DLL3: variants seen among roughly 807,000 people sequenced by gnomAD.
The protein encoded by DLL3 is delta like canonical Notch ligand 3.
Under a neutral mutation model 55.0 loss-of-function variants are expected in DLL3, and 49 were observed. The observed-to-expected ratio is 0.89, with a 90% CI of 0.71 to 1.13. The LOEUF is 1.13. DLL3 is among the 50% of genes most tolerant of loss of function. DLL3 has a pLI of 0.00. For synonymous variants in DLL3, 421 were observed against 385.2 expected (o/e 1.09, Z -1.09); for missense variants, 962 against 875.5 (o/e 1.10, Z -1.25).
At chr19:39,504,504 C>T (rs577455399) in intron 5 of DLL3, among the ~76,000 whole-genome samples, 4 of 152,178 alleles carry the variant, frequency 2.6e-5, no homozygotes, top group East Asian at 1.9e-4. Context: ...TGGGTGGCCC[C>T]GAAAGATGCA....
At chr19:39,504,736 A>C (rs1318242405) in intron 5 of DLL3, among the ~76,000 whole-genome samples, 1 of 152,084 alleles carries the variant, frequency 6.6e-6, no homozygotes, top group East Asian at 1.9e-4. Flanking sequence ...AGTGGCCTGC[A>C]GGGAGCAAGG....
At position 39,507,680 on chromosome 19, in the gene DLL3, G is replaced by A. The variant is rs1359898084; in HGVS notation, c.1673+62G>A. ...CTGGCTGCTTTTACCCATCTCCGTG[G>A]TGCAGTTGGCCCGATTCCTTGATGC... On this transcript the variant is annotated intron_variant, in intron 7 of 8. Transcript: ENST00000356433. 11 of 1,587,688 alleles carry A rather than the reference G, an allele frequency of 6.9e-6. No homozygotes were observed. In the South Asian group the frequency reaches 1.2e-4, roughly 18 times the overall value.
chr19:39,500,547 C>A, intron 2 of DLL3, 68 bp from the exon 3 acceptor site: 3 of 1,423,108 alleles, frequency 2.1e-6, no homozygotes, highest in Admixed American at 1.7e-5. Context: ...TGAACTCTGG[C>A]CTTCATTGAG....
Position 39,507,516 on chromosome 19 carries a change from C to G in DLL3, c.1571C>G (p.Ala524Gly). The change falls in exon 7 of 9, where the codon GCT becomes GGT. Residue 524 changes from alanine (A) to glycine (G), a missense_variant. Ala to Gly is a moderately conservative substitution (Grantham distance 60). Transcript: ENST00000356433. ...CGCCGCCGTGGCCACTCCCAGGATG[C>G]TGGGTCTCGCTTGCTGGCTGGGACC... ...HVRRRGHSQD[A>G]GSRLLAGTPE... 1 of 1,601,856 alleles carries G rather than the reference C, an allele frequency of 6.2e-7. No individual in the cohort carries two copies. Among genetic ancestry groups the G allele is most frequent in the Non-Finnish European group, 8.5e-7 (1 of 1,175,288 alleles).
In DLL3 at chr19:39,507,250, G is replaced by A. The variant is rs1479214240; in HGVS notation, c.1305G>A (p.Ala435=). ...DCRERADPCA[A]RPCAHGGRCY... ...GCGAGCGCGCGGACCCGTGCGCCGC[G>A]CGCCCCTGTGCTCACGGCGGCCGCT... Residue 435 remains alanine, a synonymous_variant, in exon 7 of 9, where the codon GCG becomes GCA. Coordinates refer to ENST00000356433, the MANE Select transcript of DLL3 (RefSeq NM_203486.3). 3.3e-6 allele frequency: 5 copies of A among 1,507,320 alleles called. 1 individual carries two copies. The Admixed American group carries it at 1.0e-4, about 31-fold the overall frequency. The allele number at this position is 1,507,320 out of a possible 1,614,324, so 93.4% of individuals were successfully genotyped here.
intron 3 of DLL3, among the ~76,000 whole-genome samples, chr19:39,501,796 A>G (rs768511358): frequency 5.9e-5 from 9 of 152,278 alleles, no homozygotes; most frequent in South Asian, 2.1e-4. Flanking sequence ...TAGGGGTGTT[A>G]TGACCTCACT....
chr19:39,503,022 C>T lies in DLL3; in HGVS notation c.617C>T (p.Pro206Leu), dbSNP rs1052592318. The T allele has an allele frequency of 1.3e-5, 20 of 1,515,766 alleles. 1 individual carries two copies. Among genetic ancestry groups the T allele is most frequent in the Middle Eastern group, 2.3e-4 (1 of 4,342 alleles). The allele number at this position is 1,515,766 out of a possible 1,614,324, so 93.9% of individuals were successfully genotyped here. The change falls in exon 4 of 9, where the codon CCC becomes CTC. Residue 206 changes from proline (P) to leucine (L), a missense_variant. Physicochemically the swap from Pro to Leu is moderately conservative, Grantham distance 98. Transcript: ENST00000356433. ...APSRCGPGLR[P>L]CAPLEDECEA... is the part of the protein sequence containing the mutation. Reference sequence around the variant, plus strand: ...TCGCGGTGCGGTCCGGGACTGCGCCCCTGCGCACCGCTCGAGGACGAATGT... The same window carrying T: ...TCGCGGTGCGGTCCGGGACTGCGCCTCTGCGCACCGCTCGAGGACGAATGT...
rs924248503 is a variant in DLL3, at chr19:39,507,217, C to T, written c.1272C>T (p.Arg424=). The change falls in exon 7 of 9, where the codon CGC becomes CGT. Residue 424 remains arginine, a synonymous_variant. Coordinates refer to ENST00000356433, the MANE Select transcript of DLL3 (RefSeq NM_203486.3). ...RCSCALGFGG[R]DCRERADPCA... ...CCTGCGCGCTGGGCTTCGGCGGCCGCGACTGCCGCGAGCGCGCGGACCCGT... is the reference window on the plus strand; with the variant it reads ...CCTGCGCGCTGGGCTTCGGCGGCCGTGACTGCCGCGAGCGCGCGGACCCGT... 3 of 1,350,950 alleles carry T rather than the reference C, an allele frequency of 2.2e-6. No homozygotes were observed. Among genetic ancestry groups the T allele is most frequent in the African/African-American group, 1.5e-5 (1 of 65,028 alleles). The allele number at this position is 1,350,950 out of a possible 1,614,324, so 83.7% of individuals were successfully genotyped here. A position where few individuals can be genotyped will look rare whatever the true frequency, so the allele number is the denominator to read the frequency against.
In DLL3 at chr19:39,502,906, C is replaced by A; in HGVS notation, c.501C>A (p.Ala167=). ...CCCGGGACATTCAGCGCGCAGGCGC[C>A]TGGGAGCTGCGCTTCTCGTACCGCG... ...PWARDIQRAG[A]WELRFSYRAR... is the part of the protein sequence containing the mutation. Residue 167 remains alanine, a synonymous_variant, in exon 4 of 9, where the codon GCC becomes GCA. Transcript: ENST00000356433. 1 of 1,446,326 alleles carries A rather than the reference C, an allele frequency of 6.9e-7. No individual in the cohort carries two copies. The highest frequency in any genetic ancestry group is 9.1e-7 in the Non-Finnish European group (1 of 1,104,826). 89.6% of individuals were successfully genotyped at this position (1,446,326 alleles called of 1,614,324 possible).
chr19:39,502,748 G>A (rs1055435030), intron 3 of DLL3, 67 bp from the exon 4 acceptor site: 9 of 1,292,602 alleles, frequency 7.0e-6, no homozygotes, highest in Non-Finnish European at 8.8e-6. Flanking sequence ...ATGCGGCCGG[G>A]GCGCTCCGTA....
At chr19:39,502,547 G>C (rs1421039876) in intron 3 of DLL3, among the ~76,000 whole-genome samples, 2 of 152,166 alleles carry the variant, frequency 1.3e-5, no homozygotes, top group African/African-American at 4.8e-5. Flanking sequence ...TTTCAGGCTT[G>C]AGCCACCATG....
chr19:39,498,956 AC>A lies in DLL3; in HGVS notation c.-12del, dbSNP rs747003629. The A allele has an allele frequency of 5.6e-6, 9 of 1,609,784 alleles. No homozygotes were observed. Among genetic ancestry groups the A allele is most frequent in the Non-Finnish European group, 6.8e-6 (8 of 1,178,984 alleles). On this transcript the variant is annotated 5_prime_UTR_variant, in exon 1 of 9. Coordinates refer to ENST00000356433, the MANE Select transcript of DLL3 (RefSeq NM_203486.3). ...GAAGCCAGCAGCTGCGACTCCCGAG[AC>A]CCCCCCACCAGAAGGCCATGGTCTC...
Position 39,502,928 on chromosome 19 carries a change from C to T in DLL3, c.523C>T (p.Arg175Cys), listed in dbSNP as rs1169753159. 3 of 1,439,260 alleles carry T rather than the reference C, an allele frequency of 2.1e-6. No individual in the cohort carries two copies. Among genetic ancestry groups the T allele is most frequent in the South Asian group, 1.4e-5 (1 of 72,618 alleles). 89.2% of individuals were successfully genotyped at this position (1,439,260 alleles called of 1,614,324 possible). The change falls in exon 4 of 9, where the codon CGC becomes TGC. Residue 175 changes from arginine (R) to cysteine (C), a missense_variant. Physicochemically the swap from Arg to Cys is radical, Grantham distance 180. Coordinates refer to ENST00000356433, the MANE Select transcript of DLL3 (RefSeq NM_203486.3). ...CGCCTGGGAGCTGCGCTTCTCGTAC[C>T]GCGCGCGCTGCGAGCCGCCTGCCGT... is the stretch of plus-strand genomic sequence containing the variant. Reference protein sequence around the residue: ...AGAWELRFSYRARCEPPAVGT... With the variant: ...AGAWELRFSYCARCEPPAVGT...
chr19:39,505,298 G>T lies in DLL3; in HGVS notation c.940G>T (p.Val314Leu). ...FYGLRCEVSG[V>L]TCADGPCFNG... The stretch of plus-strand genomic sequence containing the variant: ...CGGGCTGCGGTGTGAGGTGAGCGGG[G>T]TGACATGTGCAGATGGACCCTGCTT... The change falls in exon 6 of 9, where the codon GTG (valine) becomes TTG (leucine). Residue 314 changes from valine (V) to leucine (L), a missense_variant. Coordinates refer to ENST00000356433, the MANE Select transcript of DLL3 (RefSeq NM_203486.3). 1.2e-6 allele frequency: 2 copies of T among 1,614,216 alleles called. No homozygotes were observed. Among genetic ancestry groups the T allele is most frequent in the Non-Finnish European group, 1.7e-6 (2 of 1,180,042 alleles).
chr19:39,508,081 A>C, intron 8 of DLL3, 167 bp downstream of exon 8: 1 of 1,603,886 alleles, frequency 6.2e-7, no homozygotes, highest in Non-Finnish European at 8.5e-7. Flanking sequence ...CCTATTTTGC[A>C]TCCCTCTTAT....
At position 39,507,357 on chromosome 19, in the gene DLL3, A is replaced by G. The variant is rs1460780674; in HGVS notation, c.1412A>G (p.Asp471Gly). The change falls in exon 7 of 9, where the codon GAC (aspartate) becomes GGC (glycine). Residue 471 changes from aspartate (D) to glycine (G), a missense_variant. Physicochemically the swap from Asp to Gly is moderately conservative, Grantham distance 94 (BLOSUM62 -1). Transcript: ENST00000356433. ...GARCEFPVHP[D>G]GASALPAAPP... ...CGGTGTGAGTTCCCAGTGCACCCCG[A>G]CGGCGCAAGCGCCTTGCCCGCGGCC... The G allele has an allele frequency of 2.5e-6, 4 of 1,571,790 alleles. No homozygotes were observed. The African/African-American group carries it at 4.0e-5, about 16-fold the overall frequency.
Position 39,504,099 on chromosome 19 carries a change from G to A in DLL3, c.681G>A (p.Glu227=), listed in dbSNP as rs760811405. 37 of 1,613,212 alleles carry A rather than the reference G, an allele frequency of 2.3e-5. 2 individuals carry two copies. The South Asian group carries it at 3.8e-4, about 17-fold the overall frequency. The change falls in exon 5 of 9, where the codon GAG becomes GAA. Residue 227 remains glutamate (E), a synonymous_variant. Coordinates refer to ENST00000356433, the MANE Select transcript of DLL3 (RefSeq NM_203486.3). ...TGTGCCGAGCAGGCTGCAGCCCTGA[G>A]CATGGCTTCTGTGAACAGCCCGGTG... ...PLVCRAGCSP[E]HGFCEQPGEC...
rs786200899 is a variant in DLL3, at chr19:39,502,998, C to CGCGGT, written c.599_603dup (p.Pro202AlafsTer41). ...CTCTGCCGTCCGCGCAGCGCCCCCT[C>CGCGGT]GCGGTGCGGTCCGGGACTGCGCCCC... On this transcript the variant is annotated frameshift_variant, in exon 4 of 9. Transcript: ENST00000356433. LOFTEE classifies it high-confidence loss of function. The CGCGGT allele has an allele frequency of 8.3e-5, 123 of 1,485,052 alleles. No homozygotes were observed. Among genetic ancestry groups the CGCGGT allele is most frequent in the African/African-American group, 1.8e-4 (12 of 68,488 alleles). The allele number at this position is 1,485,052 out of a possible 1,614,324, so 92.0% of individuals were successfully genotyped here. A position where few individuals can be genotyped will look rare whatever the true frequency, so the allele number is the denominator to read the frequency against.
At chr19:39,500,562 T>C (rs2079604192) in intron 2 of DLL3, 53 bp from the exon 3 acceptor site, 1 of 1,537,444 alleles carries the variant, frequency 6.5e-7, no homozygotes, top group Non-Finnish European at 9.0e-7. Flanking sequence ...ATTGAGTACT[T>C]ACCCTAACCA....
Sources: allele counts gnomAD v4.1 joint callset (sites outside exome capture counted in the v4.1 genomes callset), GRCh38; gene constraint gnomAD v4.1.1; transcripts MANE v1.5; gene names NCBI Gene and HGNC (gene_info 2026-07-23, HGNC 2026-07-21).